Variants in RALYL observed in about 807,000 individuals in gnomAD.
RALYL encodes RNA-binding Raly-like protein.
In RALYL, 29 loss-of-function variants were observed where a neutral mutation model predicts 35.1. The ratio of observed to expected loss-of-function variants is 0.83; its 90% CI spans 0.61 to 1.13. The LOEUF (loss-of-function observed/expected upper bound fraction) is 1.13, where lower values mean the gene tolerates loss of function less well. Ranked by LOEUF, RALYL falls within the 50% of genes most tolerant of loss-of-function variation. The pLI, the probability that RALYL is intolerant of heterozygous loss-of-function variation, is 0.00. For synonymous variants in RALYL, 120 were observed against 127.6 expected, an observed-to-expected ratio of 0.94 and a Z score of 0.40; for missense variants, 359 against 360.4, an observed-to-expected ratio of 1.00 and a Z score of 0.03.
At chr8:84,192,912 G>T (rs1343078463) in intron 1 of RALYL, among the ~76,000 whole-genome samples, 1 of 145,454 alleles carries the variant, frequency 6.9e-6, no homozygotes. Flanking sequence ...TGTGTGGGGG[G>T]GGGGGTTGTG....
At chr8:84,632,724 T>C (rs954328519) in intron 2 of RALYL, among the ~76,000 whole-genome samples, 1 of 151,866 alleles carries the variant, frequency 6.6e-6, no homozygotes, top group Non-Finnish European at 1.5e-5. Context: ...TTTTGTAAAG[T>C]ACCCCACCAA....
At chr8:84,791,683 A>T (rs1174556539) in intron 3 of RALYL, among the ~76,000 whole-genome samples, 1 of 152,222 alleles carries the variant, frequency 6.6e-6, no homozygotes, top group East Asian at 1.9e-4. Flanking sequence ...TGATTTTGAA[A>T]GTAGTGCCAA....
chr8:84,543,196 A>G (rs1015452320), intron 2 of RALYL, among the ~76,000 whole-genome samples: 7 of 151,990 alleles, frequency 4.6e-5, no homozygotes, highest in Non-Finnish European at 7.4e-5. Flanking sequence ...CAGAAGGTAC[A>G]TGTCTGATTT....
chr8:84,877,944 G>A (rs1226754375), intron 7 of RALYL, among the ~76,000 whole-genome samples: 2 of 152,162 alleles, frequency 1.3e-5, no homozygotes, highest in Non-Finnish European at 2.9e-5. Context: ...GAATTGAGCA[G>A]TGTTTTCTCT....
At chr8:84,709,523 G>A (rs1841799562) in intron 2 of RALYL, among the ~76,000 whole-genome samples, 1 of 151,392 alleles carries the variant, frequency 6.6e-6, no homozygotes, top group African/African-American at 2.4e-5. Context: ...GTGGTGTACT[G>A]CATTTGTAAT....
chr8:84,855,295 A>C (rs1421839928), intron 5 of RALYL, among the ~76,000 whole-genome samples: 1 of 152,210 alleles, frequency 6.6e-6, no homozygotes, highest in Non-Finnish European at 1.5e-5. Flanking sequence ...TGAAACCAAG[A>C]AACAATAGCT....
intron 1 of RALYL, among the ~76,000 whole-genome samples, chr8:84,389,570 G>T (rs1218917491): frequency 1.3e-5 from 2 of 150,848 alleles, no homozygotes; most frequent in Non-Finnish European, 2.9e-5. Flanking sequence ...TCCCTTGTAA[G>T]TTGGATTCCT....
At chr8:84,542,004 T>C (rs1478146171) in intron 2 of RALYL, among the ~76,000 whole-genome samples, 1 of 152,116 alleles carries the variant, frequency 6.6e-6, no homozygotes, top group African/African-American at 2.4e-5. Context: ...ACAACCTTTG[T>C]TTTTTTAATT....
In RALYL at chr8:84,825,465, C is replaced by T. The variant is rs113716312; in HGVS notation, c.365+20663C>T. ...ATTTTTCAAAGAACTTAAAATATAA[C>T]GACTATTCAACCCAGCAATCCCATT... On this transcript the variant is annotated intron_variant, in intron 4 of 8. Coordinates refer to ENST00000521268, the MANE Select transcript of RALYL (RefSeq NM_173848.7). 9.5e-3 allele frequency among the ~76,000 whole-genome samples: 1,443 copies of T among 152,174 alleles called. 23 individuals are homozygous for T. The highest frequency in any genetic ancestry group is 0.033 in the African/African-American group (1,360 of 41,522).
At chr8:84,750,536 T>C (rs1809727814) in intron 2 of RALYL, among the ~76,000 whole-genome samples, 1 of 152,174 alleles carries the variant, frequency 6.6e-6, no homozygotes, top group African/African-American at 2.4e-5. Flanking sequence ...TGCCCCCTTC[T>C]GAACTCATGT....
intron 3 of RALYL, among the ~76,000 whole-genome samples, chr8:84,799,694 C>T (rs62526860): frequency 0.025 from 3,874 of 152,310 alleles, 93 homozygotes; most frequent in South Asian, 0.083. Flanking sequence ...CGCTGGCTCA[C>T]GCCTGTAATC....
chr8:84,328,854 G>A (rs1364123571), intron 1 of RALYL, among the ~76,000 whole-genome samples: 1 of 152,120 alleles, frequency 6.6e-6, no homozygotes, highest in Non-Finnish European at 1.5e-5. Flanking sequence ...TGAGAACATG[G>A]AGTATTTGGT....
Position 84,921,153 on chromosome 8 carries a change from G to GTTT in RALYL, c.*250_*252dup. 6.7e-6 allele frequency: 2 copies of GTTT among 298,960 alleles called. No individual in the cohort carries two copies. Among genetic ancestry groups the GTTT allele is most frequent in the Non-Finnish European group, 6.1e-6 (1 of 162,836 alleles). 18.5% of individuals were successfully genotyped at this position (298,960 alleles called of 1,614,324 possible). On this transcript the variant is annotated 3_prime_UTR_variant, in exon 9 of 9. Transcript: ENST00000521268. The stretch of plus-strand genomic sequence containing the variant: ...ATGTGTTTTCCCCTTTGCTAATTAT[G>GTTT]TTTTTTTTTTCAGTCTTAAAATGTG...
chr8:84,903,357 G>A (rs1030352069), intron 8 of RALYL, among the ~76,000 whole-genome samples: 3 of 152,110 alleles, frequency 2.0e-5, no homozygotes, highest in Admixed American at 6.5e-5. Context: ...TCATTATTTA[G>A]CCATACAAAA....
chr8:84,866,465 ATAAT>A (rs1839193227), intron 6 of RALYL, among the ~76,000 whole-genome samples: 1 of 152,190 alleles, frequency 6.6e-6, no homozygotes, highest in South Asian at 2.1e-4. Context: ...TGCTACTACT[ATAAT>A]TATTATAGCA....
chr8:84,904,910 T>C (rs890293938), intron 8 of RALYL, among the ~76,000 whole-genome samples: 1 of 152,120 alleles, frequency 6.6e-6, no homozygotes, highest in South Asian at 2.1e-4. Flanking sequence ...AGTTTTTAAA[T>C]GGGAGAATTG....
intron 5 of RALYL, 138 bp from the exon 6 acceptor site, chr8:84,862,158 T>A: frequency 1.5e-6 from 1 of 653,848 alleles, no homozygotes; most frequent in Non-Finnish European, 2.3e-6. Flanking sequence ...AATACCTGCA[T>A]CTGAATATTA....
At chr8:84,784,071 G>A (rs2133758266) in intron 3 of RALYL, among the ~76,000 whole-genome samples, 1 of 152,272 alleles carries the variant, frequency 6.6e-6, no homozygotes, top group South Asian at 2.1e-4. Flanking sequence ...ACTGACTACT[G>A]AAGATTGATG....
At chr8:84,637,775 G>A (rs545695096) in intron 2 of RALYL, among the ~76,000 whole-genome samples, 3 of 151,846 alleles carry the variant, frequency 2.0e-5, no homozygotes, top group South Asian at 4.2e-4. Context: ...GTAATCTCTG[G>A]AATTTTGCAG....
Sources: allele counts gnomAD v4.1 joint callset (sites outside exome capture counted in the v4.1 genomes callset), GRCh38; gene constraint gnomAD v4.1.1; transcripts MANE v1.5; gene names NCBI Gene and HGNC (gene_info 2026-07-23, HGNC 2026-07-21).